The following EIF2AK4 variants were observed in gnomAD, a reference collection of about 807,000 sequenced individuals.
EIF2AK4 encodes the protein eukaryotic translation initiation factor 2 alpha kinase 4, also known as eIF-2-alpha kinase GCN2.
EIF2AK4 carries 139 observed loss-of-function variants against 211.1 expected under a neutral mutation model. That is an observed-to-expected ratio of 0.66 (90% confidence interval 0.57 to 0.76). The LOEUF is 0.76. EIF2AK4 is among the 30% of genes least tolerant of loss of function. The pLI is 0.00. For missense variants in EIF2AK4, 1,664 were observed against 2,043.8 expected (o/e 0.81, Z 3.58); for synonymous variants, 710 against 751.3 (o/e 0.94, Z 0.90).
chr15:40,010,779 C>A (rs1038289604), intron 26 of EIF2AK4, among the ~76,000 whole-genome samples: 1 of 152,176 alleles, frequency 6.6e-6, no homozygotes, highest in African/African-American at 2.4e-5. Context: ...GTTCTTTACT[C>A]CCCCTAAAGC....
At chr15:39,934,487 C>A in intron 1 of EIF2AK4, 148 bp downstream of exon 1, 1 of 1,117,262 alleles carries the variant, frequency 9.0e-7, no homozygotes, top group Non-Finnish European at 1.2e-6. Context: ...CACTTTAGTC[C>A]TTGCACCTGC....
chr15:39,985,549 T>C (rs1046598498), intron 13 of EIF2AK4, among the ~76,000 whole-genome samples: 1 of 152,142 alleles, frequency 6.6e-6, no homozygotes, highest in Non-Finnish European at 1.5e-5. Context: ...CAGGAAGAAG[T>C]TGAATCCCTG....
chr15:40,032,220 G>A lies in EIF2AK4; in HGVS notation c.4711G>A (p.Glu1571Lys). The A allele has an allele frequency of 6.2e-7, 1 of 1,614,148 alleles. No homozygotes were observed. The highest frequency in any genetic ancestry group is 8.5e-7 in the Non-Finnish European group (1 of 1,179,994). ...SLANLHQKSS[E>K]IEILAVDLPK... ...TGCCAACTTACATCAGAAAAGCAGT[G>A]AAATTGAAATTCTGGCTGTAAGTGG... Residue 1571 changes from glutamate to lysine, a missense_variant, in exon 36 of 39, where the codon GAA becomes AAA. This residue lies in a region of EIF2AK4 where 138 missense variants were observed against 165.1 expected (regional missense o/e 0.84). Transcript: ENST00000263791.
intron 3 of EIF2AK4, chr15:39,946,773 A>T: frequency 1.5e-6 from 1 of 648,732 alleles, no homozygotes; most frequent in Non-Finnish European, 2.8e-6. Flanking sequence ...ACCAGCCACC[A>T]CCTTGATCAG....
At chr15:39,993,969 G>C (rs1461307924) in intron 18 of EIF2AK4, among the ~76,000 whole-genome samples, 1 of 152,202 alleles carries the variant, frequency 6.6e-6, no homozygotes, top group Non-Finnish European at 1.5e-5. Flanking sequence ...TTTCCCAACG[G>C]AAGGAATGTT....
chr15:39,984,666 T>C (rs904005360), intron 13 of EIF2AK4, among the ~76,000 whole-genome samples: 1 of 152,196 alleles, frequency 6.6e-6, no homozygotes, highest in Non-Finnish European at 1.5e-5. Context: ...CTATTATTGG[T>C]GTATAGGAAT....
At chr15:39,986,123 T>G (rs889813857) in intron 14 of EIF2AK4, among the ~76,000 whole-genome samples, 1 of 152,224 alleles carries the variant, frequency 6.6e-6, no homozygotes, top group Non-Finnish European at 1.5e-5. Flanking sequence ...CTGTGTAAGT[T>G]CACATCCTGG....
chr15:39,949,174 C>A lies in EIF2AK4; in HGVS notation c.419C>A (p.Pro140His). 1 of 1,614,002 alleles carries A rather than the reference C, an allele frequency of 6.2e-7. No homozygotes were observed. The highest frequency in any genetic ancestry group is 8.5e-7 in the Non-Finnish European group (1 of 1,180,004). ...VQSFLSEHNK[P>H]PPKSFHEEML... is the part of the protein sequence containing the mutation. ...TCATTTCTCAGCGAGCATAACAAGCCCCCTCCCAAGTCTTTTCATGAAGAA... is the reference window on the plus strand; with the variant it reads ...TCATTTCTCAGCGAGCATAACAAGCACCCTCCCAAGTCTTTTCATGAAGAA... Residue 140 changes from proline to histidine, a missense_variant, in exon 4 of 39, where the codon CCC becomes CAC. By Grantham distance (77) the Pro-to-His change is moderately conservative (BLOSUM62 -2). Transcript: ENST00000263791.
Position 39,965,804 on chromosome 15 carries a change from C to T in EIF2AK4, c.978C>T (p.Thr326=). Residue 326 remains threonine (T), a synonymous_variant, in exon 8 of 39, where the codon ACC becomes ACT. Coordinates refer to ENST00000263791, the MANE Select transcript of EIF2AK4 (RefSeq NM_001013703.4). The part of the protein sequence containing the change: ...QWQKKMGPFL[T]SQEKEKIDKC... ...AGAAAAAAATGGGTCCATTCCTTACCAGTCAAGAAAAAGAGAAGATTGATA... is the reference window on the plus strand; with the variant it reads ...AGAAAAAAATGGGTCCATTCCTTACTAGTCAAGAAAAAGAGAAGATTGATA... 1.2e-6 allele frequency: 2 copies of T among 1,613,998 alleles called. No individual in the cohort carries two copies. The highest frequency in any genetic ancestry group is 1.7e-6 in the Non-Finnish European group (2 of 1,179,942).
At chr15:40,017,885 A>T (rs2035331978) in intron 29 of EIF2AK4, among the ~76,000 whole-genome samples, 1 of 152,042 alleles carries the variant, frequency 6.6e-6, no homozygotes, top group Non-Finnish European at 1.5e-5. Flanking sequence ...CAGAAAATTG[A>T]CATTTGTATA....
chr15:39,953,222 C>T (rs1283972959), intron 4 of EIF2AK4, among the ~76,000 whole-genome samples: 1 of 152,140 alleles, frequency 6.6e-6, no homozygotes, highest in Non-Finnish European at 1.5e-5. Context: ...ATTTAGCTAA[C>T]AATTTTGTTT....
intron 13 of EIF2AK4, among the ~76,000 whole-genome samples, chr15:39,984,036 T>A (rs2034830988): frequency 1.3e-5 from 2 of 152,204 alleles, no homozygotes; most frequent in Non-Finnish European, 2.9e-5. Context: ...GTATAAGGTG[T>A]AAGGAAGGGA....
chr15:40,035,479 GA>G lies in EIF2AK4; in HGVS notation c.*405del, dbSNP rs72456018. On this transcript the variant is annotated 3_prime_UTR_variant, in exon 39 of 39. Transcript: ENST00000263791. ...CAAGACCCTGTCTTAAAAAAAAAAAGAAAAAAAAAATTTTTTTCTAAGAAGC... is the reference window on the plus strand; with the variant it reads ...CAAGACCCTGTCTTAAAAAAAAAAAGAAAAAAAAATTTTTTTCTAAGAAGC... 0.036 allele frequency: 5,467 copies of G among 152,110 alleles called. 347 individuals are homozygous for G. Among genetic ancestry groups the G allele is most frequent in the African/African-American group, 0.13 (5,123 of 40,968 alleles). 9.4% of individuals were successfully genotyped at this position (152,110 alleles called of 1,614,324 possible). A position where few individuals can be genotyped will look rare whatever the true frequency, so the allele number is the denominator to read the frequency against.
chr15:40,008,832 A>G (rs2035197009), intron 25 of EIF2AK4, among the ~76,000 whole-genome samples: 1 of 152,154 alleles, frequency 6.6e-6, no homozygotes, highest in Non-Finnish European at 1.5e-5. Flanking sequence ...CAAGCAGAAC[A>G]TGTGTTTTTA....
chr15:40,030,150 G>A (rs536513502), intron 34 of EIF2AK4, among the ~76,000 whole-genome samples: 18 of 152,262 alleles, frequency 1.2e-4, no homozygotes, highest in African/African-American at 4.3e-4. Flanking sequence ...CCTGAGGAGA[G>A]AAGCATCAAA....
chr15:40,015,398 T>C (rs2035290752), intron 27 of EIF2AK4, among the ~76,000 whole-genome samples: 1 of 152,232 alleles, frequency 6.6e-6, no homozygotes, highest in Non-Finnish European at 1.5e-5. Context: ...GAACAAGTCA[T>C]GTCTTACATG....
chr15:40,015,000 A>G (rs1260920105), intron 27 of EIF2AK4, among the ~76,000 whole-genome samples: 2 of 152,106 alleles, frequency 1.3e-5, no homozygotes, highest in African/African-American at 4.8e-5. Flanking sequence ...AGCAAGAATC[A>G]CCTTTACTTC....
Position 40,029,407 on chromosome 15 carries a change from G to T in EIF2AK4, c.4504G>T (p.Glu1502Ter). The change falls in exon 34 of 39, where the codon GAA (glutamate) becomes TAA (stop). Residue 1502 changes from glutamate to a stop codon, truncating the protein, a stop_gained and splice_region_variant. Coordinates refer to ENST00000263791, the MANE Select transcript of EIF2AK4 (RefSeq NM_001013703.4). LOFTEE classifies it high-confidence loss of function. ...TKVTDERNGR[E>*]ASDNLAVQNL... ...TTGTTTTTGTTTGCTTGTTTTTAGA[G>T]AAGCTTCCGATAATCTTGCAGTGCA... 6.2e-7 allele frequency: 1 copy of T among 1,612,568 alleles called. No homozygotes were observed.
chr15:40,032,694 C>T, intron 36 of EIF2AK4, 63 bp from the exon 37 acceptor site: 1 of 1,479,600 alleles, frequency 6.8e-7, no homozygotes, highest in Non-Finnish European at 9.4e-7. Flanking sequence ...TTTCACGTGA[C>T]ACTATGGTCA....
Sources: gnomAD v4.1 joint callset for allele counts (sites outside exome capture counted in the v4.1 genomes callset) on GRCh38, gnomAD v4.1.1 for gene constraint, gnomAD v4.1.1 regional missense constraint, MANE v1.5 for transcripts, NCBI Gene and HGNC (gene_info 2026-07-23, HGNC 2026-07-21) for gene names.